HDAC9: variants seen among roughly 807,000 people sequenced by gnomAD.
The protein encoded by HDAC9 is histone deacetylase 9.
In HDAC9, 41 loss-of-function variants were observed where a neutral mutation model predicts 139.4. The ratio of observed to expected loss-of-function variants is 0.29; its 90% confidence interval spans 0.23 to 0.38. The LOEUF is 0.38. Among genes scored for constraint, HDAC9 ranks in the 10% least tolerant of loss-of-function variants. HDAC9 has a pLI of 1.00. For missense variants in HDAC9, 1,147 were observed against 1,297.0 expected (o/e 0.88, Z 1.78); for synonymous variants, 517 against 476.2 (o/e 1.09, Z -1.12).
intron 22 of HDAC9, among the ~76,000 whole-genome samples, chr7:18,882,293 C>T (rs1427382420): frequency 1.3e-5 from 2 of 151,964 alleles, no homozygotes; most frequent in Non-Finnish European, 2.9e-5. Context: ...ATTAACAAAA[C>T]CTTGTTTTTC....
intron 1 of HDAC9, among the ~76,000 whole-genome samples, chr7:18,161,435 T>G (rs1224407959): frequency 6.6e-6 from 1 of 152,198 alleles, no homozygotes; most frequent in East Asian, 1.9e-4. Flanking sequence ...ATAAAAATAG[T>G]GCAATTGGGA....
intron 1 of HDAC9, among the ~76,000 whole-genome samples, chr7:18,309,515 T>C (rs1799160147): frequency 6.6e-6 from 1 of 152,204 alleles, no homozygotes; most frequent in Admixed American, 6.5e-5. Flanking sequence ...CAAAATAACA[T>C]CCTTCCATTC....
At chr7:18,994,293 A>G (rs1390499598) in intron 25 of HDAC9, among the ~76,000 whole-genome samples, 2 of 152,236 alleles carry the variant, frequency 1.3e-5, no homozygotes, top group African/African-American at 2.4e-5. Context: ...CTATAACTGT[A>G]TTATTCACAT....
chr7:18,664,444 C>G (rs1478418421), intron 11 of HDAC9, among the ~76,000 whole-genome samples: 1 of 152,072 alleles, frequency 6.6e-6, no homozygotes, highest in Non-Finnish European at 1.5e-5. Context: ...TCTCTAGATT[C>G]TTACTCTTCA....
chr7:18,798,248 C>G (rs569168657), intron 17 of HDAC9, among the ~76,000 whole-genome samples: 4 of 152,226 alleles, frequency 2.6e-5, no homozygotes, highest in African/African-American at 9.6e-5. Flanking sequence ...ATGACATCAG[C>G]AAAGTGTCAG....
intron 11 of HDAC9, among the ~76,000 whole-genome samples, chr7:18,658,933 T>C (rs1247219518): frequency 3.3e-5 from 5 of 150,816 alleles, no homozygotes; most frequent in African/African-American, 1.2e-4. Flanking sequence ...AACAACAACT[T>C]CTGCTATTGC....
intron 2 of HDAC9, among the ~76,000 whole-genome samples, chr7:18,227,449 T>TG (rs1193793649): frequency 6.6e-6 from 1 of 152,196 alleles, no homozygotes; most frequent in African/African-American, 2.4e-5. Context: ...ACATTGAACT[T>TG]GCTAAAATTG....
In HDAC9 at chr7:18,924,549, T is replaced by C. The variant is rs118174534; in HGVS notation, c.2804-11260T>C. On this transcript the variant is annotated intron_variant, in intron 22 of 25. Transcript: ENST00000686413. ...ACCCTGGTCATTTGGGAAATGCAAT[T>C]CCAAGGAATGTTTTTGGCAATGAGA... Among the ~76,000 whole-genome samples, 1,203 of 152,160 alleles carry C rather than the reference T, an allele frequency of 7.9e-3. 33 individuals are homozygous for C. The highest frequency in any genetic ancestry group is 0.053 in the East Asian group (272 of 5,162).
At chr7:18,599,662 G>A (rs1187339951) in intron 6 of HDAC9, among the ~76,000 whole-genome samples, 5 of 151,786 alleles carry the variant, frequency 3.3e-5, no homozygotes, top group Admixed American at 3.3e-4. Context: ...TCCATTGTAT[G>A]GCTGAACCAC....
At chr7:18,284,235 A>G (rs188067115) in intron 2 of HDAC9, among the ~76,000 whole-genome samples, 21 of 152,246 alleles carry the variant, frequency 1.4e-4, no homozygotes, top group Non-Finnish European at 2.5e-4. Context: ...TTTAAAGTCA[A>G]TAGAATTATA....
intron 22 of HDAC9, among the ~76,000 whole-genome samples, chr7:18,928,943 G>A (rs1804479606): frequency 6.6e-6 from 1 of 151,140 alleles, no homozygotes; most frequent in Non-Finnish European, 1.5e-5. Flanking sequence ...TTCTTACAAC[G>A]AGAATGCAAT....
chr7:18,611,726 A>AAGT (rs1837203693), intron 6 of HDAC9, among the ~76,000 whole-genome samples: 1 of 152,122 alleles, frequency 6.6e-6, no homozygotes, highest in South Asian at 2.1e-4. Context: ...ATCCTGATAA[A>AAGT]AGTAGTGACT....
intron 2 of HDAC9, among the ~76,000 whole-genome samples, chr7:18,513,022 A>G (rs1802032578): frequency 6.6e-6 from 1 of 152,230 alleles, no homozygotes; most frequent in African/African-American, 2.4e-5. Flanking sequence ...AAATCAATGG[A>G]AAGAGGACAA....
chr7:18,095,304 A>C (rs1782436475), intron 1 of HDAC9, among the ~76,000 whole-genome samples: 1 of 152,206 alleles, frequency 6.6e-6, no homozygotes, highest in African/African-American at 2.4e-5. Context: ...CAGGCTTACA[A>C]ATGGAATTCT....
chr7:18,884,895 C>G (rs186096824), intron 22 of HDAC9, among the ~76,000 whole-genome samples: 18 of 152,314 alleles, frequency 1.2e-4, no homozygotes, highest in African/African-American at 4.3e-4. Context: ...CCTCTCTTTA[C>G]TGTTTAATAC....
At chr7:18,914,869 G>C (rs1430422115) in intron 22 of HDAC9, among the ~76,000 whole-genome samples, 3 of 152,050 alleles carry the variant, frequency 2.0e-5, no homozygotes, top group African/African-American at 2.4e-5. Context: ...TGGTATAGCA[G>C]TATTTGGAAA....
At chr7:18,783,550 T>C (rs1016882715) in intron 16 of HDAC9, among the ~76,000 whole-genome samples, 2 of 152,080 alleles carry the variant, frequency 1.3e-5, no homozygotes, top group Admixed American at 6.6e-5. Context: ...AACACACCTC[T>C]GTAAGAGTTA....
intron 25 of HDAC9, among the ~76,000 whole-genome samples, chr7:18,977,444 G>A (rs909073063): frequency 6.6e-6 from 1 of 152,166 alleles, no homozygotes; most frequent in African/African-American, 2.4e-5. Flanking sequence ...ATTTTTGCCT[G>A]TTAAATTGCA....
At chr7:18,141,217 A>G (rs971613418) in intron 1 of HDAC9, among the ~76,000 whole-genome samples, 1 of 152,342 alleles carries the variant, frequency 6.6e-6, no homozygotes, top group Middle Eastern at 3.4e-3. Flanking sequence ...TGAGGTGATT[A>G]TGTTCCTTAA....
Sources: gnomAD v4.1 joint callset for allele counts (sites outside exome capture counted in the v4.1 genomes callset) on GRCh38, gnomAD v4.1.1 for gene constraint, MANE v1.5 for transcripts, NCBI Gene and HGNC (gene_info 2026-07-23, HGNC 2026-07-21) for gene names.